The following USP40 variants were observed in gnomAD, a reference collection of about 807,000 sequenced individuals.
USP40 encodes the protein ubiquitin specific peptidase 40, also known as ubiquitin carboxyl-terminal hydrolase 40.
USP40 carries 143 observed loss-of-function variants against 166.2 expected under a neutral mutation model. That is an observed-to-expected ratio of 0.86 (90% CI 0.75 to 0.99). USP40 has a LOEUF of 0.99. Among genes scored for constraint, USP40 ranks in the 50% least tolerant of loss-of-function variants. USP40 has a pLI of 0.00. For missense variants in USP40, 1,444 were observed against 1,479.7 expected, an observed-to-expected ratio of 0.98 and a Z score of 0.40; for synonymous variants, 498 against 524.0, an observed-to-expected ratio of 0.95 and a Z score of 0.68.
rs78430608 is a variant in USP40, at chr2:233,523,540, G to A, written c.1882-51C>T. On this transcript the variant is annotated intron_variant, in intron 15 of 31. Transcript: ENST00000678225. ...AGTACAGCTGATATTTGCCAACACC[G>A]TCAACATAACATGGTAAAAGATTAC... 6.5e-3 allele frequency: 9,650 copies of A among 1,493,578 alleles called. 75 individuals carry two copies. The highest frequency in any genetic ancestry group is 0.023 in the Admixed American group (1,187 of 51,694). 92.5% of individuals were successfully genotyped at this position (1,493,578 alleles called of 1,614,324 possible). A position where few individuals can be genotyped will look rare whatever the true frequency, so the allele number is the denominator to read the frequency against.
chr2:233,557,714 C>T (rs1232909920), intron 4 of USP40, among the ~76,000 whole-genome samples: 3 of 152,106 alleles, frequency 2.0e-5, no homozygotes, highest in Non-Finnish European at 4.4e-5. Context: ...CTGCTGAGAG[C>T]TCCTTCTGCT....
In USP40 at chr2:233,510,068, T is replaced by G. The variant is rs2066699397; in HGVS notation, c.2594A>C (p.Glu865Ala). The G allele has an allele frequency of 6.3e-7, 1 of 1,595,458 alleles. No homozygotes were observed. The highest frequency in any genetic ancestry group is 8.5e-7 in the Non-Finnish European group (1 of 1,169,902). ...PGTEMEIVVEETISVRDCLKL... is the reference protein window; with the variant it reads ...PGTEMEIVVEATISVRDCLKL... The stretch of plus-strand genomic sequence containing the variant: ...ACTTACATCTCTCACAGATATTGTT[T>G]CTTCTACTACGATTTCCATTTCTGT... Residue 865 changes from glutamate (E) to alanine (A), a missense_variant, in exon 21 of 32, where the codon GAA (glutamate) becomes GCA (alanine). Physicochemically the swap from Glu to Ala is moderately radical, Grantham distance 107. Coordinates refer to ENST00000678225, the MANE Select transcript of USP40 (RefSeq NM_001365479.2).
intron 4 of USP40, among the ~76,000 whole-genome samples, chr2:233,559,415 C>A (rs1429172222): frequency 1.3e-5 from 2 of 152,188 alleles, no homozygotes; most frequent in African/African-American, 2.4e-5. Context: ...AATTTACTTA[C>A]AATGTAATTG....
At chr2:233,533,394 A>T in intron 11 of USP40, 85 bp downstream of exon 11, 1 of 1,391,898 alleles carries the variant, frequency 7.2e-7, no homozygotes, top group East Asian at 2.3e-5. Flanking sequence ...ACCTTTTTTT[A>T]AAAGAATAAA....
rs1406132528 is a variant in USP40, at chr2:233,485,994, T to TCAAG, written c.3198-21_3198-18dup. On this transcript the variant is annotated splice_polypyrimidine_tract_variant and intron_variant, in intron 28 of 31. Transcript: ENST00000678225. The stretch of plus-strand genomic sequence containing the variant: ...TCCTGGGGGCTGTACCAGAAAACCG[T>TCAAG]CAAGCGCCAGATCCAAACAAACAAA... 6.4e-7 allele frequency: 1 copy of TCAAG among 1,553,436 alleles called. No homozygotes were observed. Among genetic ancestry groups the TCAAG allele is most frequent in the East Asian group, 2.4e-5 (1 of 42,182 alleles).
At chr2:233,519,483 A>G (rs1316886844) in intron 18 of USP40, 131 bp downstream of exon 18, 3 of 584,376 alleles carry the variant, frequency 5.1e-6, no homozygotes, top group African/African-American at 2.0e-5. Context: ...CAAAATGTTA[A>G]TATTTGTCCA....
rs1228002175 is a variant in USP40, at chr2:233,480,065, G to C, written c.3599+1138C>G. Among the ~76,000 whole-genome samples, 1 of 152,136 alleles carries C rather than the reference G, an allele frequency of 6.6e-6. No individual in the cohort carries two copies. The highest frequency in any genetic ancestry group is 1.5e-5 in the Non-Finnish European group (1 of 68,028). Reference sequence around the variant, plus strand: ...AACGCGTCCCCCTTCACACCCTCCAGCAGCCTCTAACCACGCTCGAACCCC... The same window carrying C: ...AACGCGTCCCCCTTCACACCCTCCACCAGCCTCTAACCACGCTCGAACCCC... On this transcript the variant is annotated intron_variant, in intron 31 of 31. Coordinates refer to ENST00000678225, the MANE Select transcript of USP40 (RefSeq NM_001365479.2). This position sits in a 1 kb window ranked among gnomAD's most constrained non-coding sequence, Gnocchi z 4.5.
chr2:233,507,328 G>A (rs1289930139), intron 21 of USP40, among the ~76,000 whole-genome samples: 2 of 152,182 alleles, frequency 1.3e-5, no homozygotes, highest in African/African-American at 4.8e-5. Flanking sequence ...CTGGGTATGT[G>A]TCCAAAGGGT....
In USP40 at chr2:233,527,525, G is replaced by T. The variant is rs1283211745; in HGVS notation, c.1607C>A (p.Pro536His). 5 of 1,613,232 alleles carry T rather than the reference G, an allele frequency of 3.1e-6. No homozygotes were observed. The highest frequency in any genetic ancestry group is 4.2e-6 in the Non-Finnish European group (5 of 1,179,646). ...AGCCCCATTGAAGAAATGATACTGA[G>T]GGCCCAGGTGAAGATGCAATTCAAA... is the stretch of plus-strand genomic sequence containing the variant. ...NTFELHLHLGPQYHFFNGALH... is the reference protein window; with the variant it reads ...NTFELHLHLGHQYHFFNGALH... The change falls in exon 13 of 32, where the codon CCT becomes CAT. Residue 536 changes from proline to histidine, a missense_variant. Physicochemically the swap from Pro to His is moderately conservative, Grantham distance 77. Coordinates refer to ENST00000678225, the MANE Select transcript of USP40 (RefSeq NM_001365479.2).
intron 24 of USP40, among the ~76,000 whole-genome samples, chr2:233,495,392 T>C (rs1441860573): frequency 1.3e-5 from 2 of 152,014 alleles, no homozygotes; most frequent in African/African-American, 4.8e-5. Flanking sequence ...GTAACATCTT[T>C]TATCTCTCTT....
In USP40 at chr2:233,499,901, C is replaced by T. The variant is rs78122518; in HGVS notation, c.2628G>A (p.Met876Ile). The T allele has an allele frequency of 4.3e-3, 6,959 of 1,612,046 alleles. 150 individuals carry two copies. In the East Asian group the frequency reaches 0.061, roughly 14 times the overall value. ...TISVRDCLKL[M>I]LKKSGLQGDA... ...TACCTTGTAGGCCAGATTTCTTCAGCATTAACTTTAAACACTGTAAAGAAA... is the reference window on the plus strand; with the variant it reads ...TACCTTGTAGGCCAGATTTCTTCAGTATTAACTTTAAACACTGTAAAGAAA... The change falls in exon 22 of 32, where the codon ATG becomes ATA. Residue 876 changes from methionine (M) to isoleucine (I), a missense_variant. Coordinates refer to ENST00000678225, the MANE Select transcript of USP40 (RefSeq NM_001365479.2).
intron 5 of USP40, chr2:233,556,582 A>C (rs2071118971): frequency 5.0e-6 from 1 of 200,142 alleles, no homozygotes; most frequent in Non-Finnish European, 1.0e-5. Flanking sequence ...ATGAGGCCAC[A>C]GTCTTCTATT....
At chr2:233,481,725 G>C (rs984309006) in intron 30 of USP40, 1 of 160,574 alleles carries the variant, frequency 6.2e-6, no homozygotes, top group African/African-American at 2.4e-5. Flanking sequence ...CTTCTGAGAG[G>C]CATGAACTTG....
chr2:233,558,181 C>T (rs1411282299), intron 4 of USP40, among the ~76,000 whole-genome samples: 1 of 151,860 alleles, frequency 6.6e-6, no homozygotes, highest in African/African-American at 2.4e-5. Flanking sequence ...TGTTCCTAAA[C>T]AATCCTACAC....
chr2:233,547,011 T>C (rs1177820309), intron 8 of USP40: 5 of 152,128 alleles, frequency 3.3e-5, no homozygotes, highest in African/African-American at 1.2e-4. Context: ...GACACAAGCA[T>C]TTGAGAGCAA....
In USP40 at chr2:233,530,935, T is replaced by C. The variant is rs577201902; in HGVS notation, c.1472-1423A>G. ...CTAGTTTTTTCTTTCTTTGCTTTTA[T>C]GCTTAGAAAGGTTTTCTTTACCTTA... On this transcript the variant is annotated intron_variant, in intron 11 of 31. Transcript: ENST00000678225. Among the ~76,000 whole-genome samples, 4 of 152,344 alleles carry C rather than the reference T, an allele frequency of 2.6e-5. No individual in the cohort carries two copies. In the South Asian group the frequency reaches 8.3e-4, roughly 32 times the overall value.
chr2:233,477,504 C>T lies in USP40; in HGVS notation c.3600-1G>A. ...GCTCTGCTCATGGAGGGCTTCTTGG[C>T]TGCAGAGACACAGACACTGTCATTG... On this transcript the variant is annotated splice_acceptor_variant, in intron 31 of 31. Coordinates refer to ENST00000678225, the MANE Select transcript of USP40 (RefSeq NM_001365479.2). LOFTEE classifies it high-confidence loss of function. The T allele has an allele frequency of 6.2e-7, 1 of 1,612,392 alleles. No homozygotes were observed.
At chr2:233,554,189 G>T in intron 6 of USP40, 191 bp downstream of exon 6, 1 of 508,846 alleles carries the variant, frequency 2.0e-6, no homozygotes, top group Non-Finnish European at 3.0e-6. Context: ...AAAGGAAGTT[G>T]GGTGAACTGT....
At chr2:233,545,215 G>A (rs373556308) in intron 8 of USP40, among the ~76,000 whole-genome samples, 1 of 152,302 alleles carries the variant, frequency 6.6e-6, no homozygotes, top group East Asian at 1.9e-4. Context: ...GTATGTTTAA[G>A]GTGCTTGAAG....
Sources: gnomAD v4.1 joint callset for allele counts (sites outside exome capture counted in the v4.1 genomes callset) on GRCh38, gnomAD v4.1.1 for gene constraint, Gnocchi (gnomAD v3.1) non-coding constraint, MANE v1.5 for transcripts, NCBI Gene and HGNC (gene_info 2026-07-23, HGNC 2026-07-21) for gene names.